MIR2052HG: variants seen among roughly 807,000 people sequenced by gnomAD.
The protein encoded by MIR2052HG is MIR2052 host gene.
intron 2 of MIR2052HG, among the ~76,000 whole-genome samples, chr8:74,672,259 C>T (rs1157039822): frequency 6.6e-6 from 1 of 152,062 alleles, no homozygotes; most frequent in Non-Finnish European, 1.5e-5. Flanking sequence ...TTTTGCAGGC[C>T]TAGCATCCGT....
chr8:74,747,445 A>G (rs1019555143), intron 4 of MIR2052HG, among the ~76,000 whole-genome samples: 1 of 152,168 alleles, frequency 6.6e-6, no homozygotes, highest in South Asian at 2.1e-4. Context: ...ATCAAGACAA[A>G]ACAATGAGAG....
At chr8:74,686,246 A>C (rs192639694) in intron 2 of MIR2052HG, among the ~76,000 whole-genome samples, 1 of 151,682 alleles carries the variant, frequency 6.6e-6, no homozygotes, top group Non-Finnish European at 1.5e-5. Flanking sequence ...TTTTTATTTC[A>C]TGGTCTCCCT....
At chr8:74,717,991 G>A (rs1354737961) in intron 4 of MIR2052HG, among the ~76,000 whole-genome samples, 1 of 151,966 alleles carries the variant, frequency 6.6e-6, no homozygotes, top group African/African-American at 2.4e-5. Flanking sequence ...CTGCTTCTTA[G>A]TATGGTTTTA....
chr8:74,654,049 G>T (rs1450309698), intron 2 of MIR2052HG, among the ~76,000 whole-genome samples: 1 of 151,210 alleles, frequency 6.6e-6, no homozygotes, highest in Non-Finnish European at 1.5e-5. Flanking sequence ...ACCAGTTTTT[G>T]TAAATTGTAG....
At chr8:74,701,406 A>G (rs1362906716) in intron 2 of MIR2052HG, among the ~76,000 whole-genome samples, 1 of 152,014 alleles carries the variant, frequency 6.6e-6, no homozygotes, top group Admixed American at 6.6e-5. Context: ...AGAATGCTTC[A>G]TTGTGCGGGG....
intron 2 of MIR2052HG, among the ~76,000 whole-genome samples, chr8:74,659,694 T>C (rs1808841455): frequency 6.6e-6 from 1 of 152,128 alleles, no homozygotes; most frequent in South Asian, 2.1e-4. Flanking sequence ...GATGCTGCCA[T>C]TTTGGCCTCC....
intron 1 of MIR2052HG, chr8:74,603,347 C>T (rs1017076224): frequency 6.2e-7 from 1 of 1,610,496 alleles, no homozygotes; most frequent in Non-Finnish European, 8.5e-7. Context: ...AGATATTGAG[C>T]CAGGCTAATG....
At chr8:74,660,033 G>A (rs1406933090) in intron 2 of MIR2052HG, among the ~76,000 whole-genome samples, 1 of 152,160 alleles carries the variant, frequency 6.6e-6, no homozygotes, top group Non-Finnish European at 1.5e-5. Context: ...ACAAGGACAT[G>A]AAGAAATCCA....
chr8:74,626,742 A>G (rs575257431), intron 2 of MIR2052HG, among the ~76,000 whole-genome samples: 1 of 152,194 alleles, frequency 6.6e-6, no homozygotes, highest in Non-Finnish European at 1.5e-5. Flanking sequence ...TGACAGGCCA[A>G]GGTGAAAGTC....
intron 2 of MIR2052HG, among the ~76,000 whole-genome samples, chr8:74,614,245 A>G (rs995158167): frequency 2.6e-5 from 4 of 152,238 alleles, no homozygotes; most frequent in Admixed American, 6.5e-5. Flanking sequence ...CACAAATTAT[A>G]TAGTCAGATA....
chr8:74,755,136 T>C (rs905986300), intron 5 of MIR2052HG, among the ~76,000 whole-genome samples: 3 of 152,188 alleles, frequency 2.0e-5, no homozygotes, highest in African/African-American at 7.2e-5. Flanking sequence ...TAAGGGAAAA[T>C]AACTGTGAAC....
At chr8:74,606,040 G>T (rs557287962) in intron 1 of MIR2052HG, among the ~76,000 whole-genome samples, 1 of 152,170 alleles carries the variant, frequency 6.6e-6, no homozygotes, top group East Asian at 1.9e-4. Flanking sequence ...GGAGGTGGGG[G>T]GTCTAGTTAA....
chr8:74,672,807 C>A (rs1249646459), intron 2 of MIR2052HG, among the ~76,000 whole-genome samples: 2 of 152,180 alleles, frequency 1.3e-5, no homozygotes, highest in East Asian at 3.9e-4. Flanking sequence ...ATATTATCTG[C>A]TGAATATCTG....
intron 4 of MIR2052HG, among the ~76,000 whole-genome samples, chr8:74,739,491 G>T (rs1239297516): frequency 6.6e-6 from 1 of 152,070 alleles, no homozygotes; most frequent in African/African-American, 2.4e-5. Flanking sequence ...AATTACATTT[G>T]CTTTGGAACA....
At chr8:74,601,763 A>T (rs373748373) in intron 1 of MIR2052HG, among the ~76,000 whole-genome samples, 1 of 152,186 alleles carries the variant, frequency 6.6e-6, no homozygotes, top group Non-Finnish European at 1.5e-5. Context: ...ACTTGATTTG[A>T]TGGTGAGCTG....
intron 4 of MIR2052HG, among the ~76,000 whole-genome samples, chr8:74,745,908 T>C (rs1038574554): frequency 2.0e-5 from 3 of 152,132 alleles, no homozygotes; most frequent in African/African-American, 7.2e-5. Flanking sequence ...ATCAACTCAG[T>C]TAGTTCTCCC....
intron 2 of MIR2052HG, among the ~76,000 whole-genome samples, chr8:74,624,954 T>G (rs941108184): frequency 6.6e-6 from 1 of 152,102 alleles, no homozygotes; most frequent in African/African-American, 2.4e-5. Context: ...CACAGATGAG[T>G]ACAGTAAAGG....
At chr8:74,723,527 A>AT (rs60322961) in intron 4 of MIR2052HG, among the ~76,000 whole-genome samples, 6,034 of 146,612 alleles carry the variant, frequency 0.041, 184 homozygotes, top group Non-Finnish European at 0.055. Context: ...CTTCATCCTT[A>AT]TTTTTTTTTT....
intron 4 of MIR2052HG, among the ~76,000 whole-genome samples, chr8:74,747,088 T>C (rs1349201776): frequency 1.3e-5 from 2 of 152,140 alleles, no homozygotes; most frequent in Non-Finnish European, 2.9e-5. Context: ...TCTATACATA[T>C]ACTCTAGATG....
Sources: gnomAD v4.1 joint callset for allele counts (sites outside exome capture counted in the v4.1 genomes callset) on GRCh38, gnomAD v4.1.1 for gene constraint, MANE v1.5 for transcripts, NCBI Gene and HGNC (gene_info 2026-07-23, HGNC 2026-07-21) for gene names.